PLXNC1: variants seen among roughly 807,000 people sequenced by gnomAD.
PLXNC1 encodes the protein plexin-C1.
Under a neutral mutation model 178.2 loss-of-function variants are expected in PLXNC1, and 75 were observed. The observed-to-expected ratio is 0.42, with a 90% CI of 0.35 to 0.51. PLXNC1 has a LOEUF of 0.51. Among genes scored for constraint, PLXNC1 ranks in the 20% least tolerant of loss-of-function variants. PLXNC1 has a pLI of 0.02. For synonymous variants in PLXNC1, 790 were observed against 779.9 expected, an observed-to-expected ratio of 1.01 and a Z score of -0.22; for missense variants, 1,503 against 1,984.4, an observed-to-expected ratio of 0.76 and a Z score of 4.61.
chr12:94,296,472 C>A (rs749369544), intron 24 of PLXNC1, among the ~76,000 whole-genome samples: 28 of 152,250 alleles, frequency 1.8e-4, no homozygotes, highest in Non-Finnish European at 3.4e-4. Flanking sequence ...AACTTTAAAA[C>A]AAACAAACCA....
chr12:94,264,372 G>A (rs565739804), intron 20 of PLXNC1, among the ~76,000 whole-genome samples: 60 of 152,302 alleles, frequency 3.9e-4, no homozygotes, highest in African/African-American at 1.4e-3. Context: ...ATCGGGATGG[G>A]CCGAGTGTTT....
intron 2 of PLXNC1, 60 bp from the exon 3 acceptor site, chr12:94,181,386 C>CAAAA: frequency 1.7e-5 from 16 of 963,504 alleles, no homozygotes; most frequent in East Asian, 6.3e-5. Context: ...GATTCCGTCT[C>CAAAA]AAAAAAAAAA....
At chr12:94,280,609 C>T (rs995130170) in intron 22 of PLXNC1, among the ~76,000 whole-genome samples, 2 of 152,238 alleles carry the variant, frequency 1.3e-5, no homozygotes, top group South Asian at 2.1e-4. Context: ...CTTGGGTGAC[C>T]GTTGAGTCAC....
At chr12:94,221,882 G>T (rs1467639284) in intron 6 of PLXNC1, among the ~76,000 whole-genome samples, 1 of 152,102 alleles carries the variant, frequency 6.6e-6, no homozygotes, top group South Asian at 2.1e-4. Flanking sequence ...CTTCACAAAG[G>T]CCCCGTGGCT....
At chr12:94,217,380 C>T (rs1963674781) in intron 5 of PLXNC1, among the ~76,000 whole-genome samples, 2 of 152,282 alleles carry the variant, frequency 1.3e-5, no homozygotes, top group African/African-American at 2.4e-5. Flanking sequence ...CTCTACATTT[C>T]GTCTGTAGAC....
chr12:94,214,270 A>AGAG (rs914622646), intron 5 of PLXNC1, among the ~76,000 whole-genome samples: 91 of 151,510 alleles, frequency 6.0e-4, no homozygotes, highest in African/African-American at 2.1e-3. Flanking sequence ...AATTTTTTAT[A>AGAG]GAGATAAGGT....
At position 94,164,265 on chromosome 12, in the gene PLXNC1, A is replaced by G. The variant is rs1022948229; in HGVS notation, c.1063-4888A>G. ...GCATTTTGTCATGTACAAGAAATTG[A>G]TAGGTACCCAGTTGGTATTTCCTCC... On this transcript the variant is annotated intron_variant, in intron 1 of 30. Transcript: ENST00000258526. Among the ~76,000 whole-genome samples the G allele has an allele frequency of 4.7e-4, 71 of 152,346 alleles. 1 individual carries two copies. Among genetic ancestry groups the G allele is most frequent in the African/African-American group, 1.7e-3 (69 of 41,576 alleles).
rs554230527 is a variant in PLXNC1 at position 94,262,856 on chromosome 12, A to G, written c.3450+2016A>G. The G allele has an allele frequency of 9.3e-5, 80 of 859,110 alleles. 1 individual carries two copies. The highest frequency in any genetic ancestry group is 2.7e-4 in the South Asian group (5 of 18,738). The allele number at this position is 859,110 out of a possible 1,614,324, so 53.2% of individuals were successfully genotyped here. A position where few individuals can be genotyped will look rare whatever the true frequency, so the allele number is the denominator to read the frequency against. The stretch of plus-strand genomic sequence containing the variant: ...AGACAGCATGCTAAGAGCTTTACCT[A>G]TCTTTTCTCATTTCATCCCCTTAAG... On this transcript the variant is annotated intron_variant, in intron 20 of 30. Coordinates refer to ENST00000258526, the MANE Select transcript of PLXNC1 (RefSeq NM_005761.3).
At chr12:94,275,716 G>T (rs973761941) in intron 21 of PLXNC1, among the ~76,000 whole-genome samples, 1 of 129,602 alleles carries the variant, frequency 7.7e-6, no homozygotes, top group Non-Finnish European at 1.6e-5. Context: ...TTAGCCGGGC[G>T]TAGTGGCGGG....
chr12:94,294,809 T>C (rs1045155909), intron 24 of PLXNC1, among the ~76,000 whole-genome samples: 1 of 152,086 alleles, frequency 6.6e-6, no homozygotes, highest in Non-Finnish European at 1.5e-5. Flanking sequence ...CAGGGCAGAA[T>C]CTCATAGCTT....
At chr12:94,210,362 C>G (rs1319383114) in intron 5 of PLXNC1, among the ~76,000 whole-genome samples, 2 of 152,164 alleles carry the variant, frequency 1.3e-5, no homozygotes, top group Non-Finnish European at 2.9e-5. Context: ...CAACCGTGCC[C>G]TACGGAAAAA....
At position 94,247,778 on chromosome 12, in the gene PLXNC1, C is replaced by T. The variant is rs80305864; in HGVS notation, c.2389-125C>T. On this transcript the variant is annotated intron_variant, in intron 12 of 30. Coordinates refer to ENST00000258526, the MANE Select transcript of PLXNC1 (RefSeq NM_005761.3). ...CCTGTGAGGGAGGTAGTTTTGCTGTCTCCATATTACACATGAGAAAACAGA... is the reference window on the plus strand; with the variant it reads ...CCTGTGAGGGAGGTAGTTTTGCTGTTTCCATATTACACATGAGAAAACAGA... 7.9e-3 allele frequency: 6,283 copies of T among 798,110 alleles called. 142 individuals are homozygous for T. Among genetic ancestry groups the T allele is most frequent in the East Asian group, 0.056 (2,278 of 40,970 alleles). The allele number at this position is 798,110 out of a possible 1,614,324, so 49.4% of individuals were successfully genotyped here. A position where few individuals can be genotyped will look rare whatever the true frequency, so the allele number is the denominator to read the frequency against.
intron 21 of PLXNC1, among the ~76,000 whole-genome samples, chr12:94,275,813 C>G: frequency 7.2e-6 from 1 of 138,046 alleles, no homozygotes; most frequent in African/African-American, 2.8e-5. Flanking sequence ...CGAGATCCCG[C>G]CACTGCACTC....
rs144698524 is a variant in PLXNC1 at position 94,156,968 on chromosome 12, C to T, written c.1062+6935C>T. On this transcript the variant is annotated intron_variant, in intron 1 of 30. Transcript: ENST00000258526. The stretch of plus-strand genomic sequence containing the variant: ...GAGCTAAAGCAGTCCTTCCGAAGTG[C>T]TAAGATTATAGGCATAAGCCAGCAC... Among the ~76,000 whole-genome samples, 317 of 152,246 alleles carry T rather than the reference C, an allele frequency of 2.1e-3. 3 individuals carry two copies. The highest frequency in any genetic ancestry group is 0.018 in the Admixed American group (282 of 15,282).
chr12:94,235,754 T>C (rs1964223699), intron 9 of PLXNC1, among the ~76,000 whole-genome samples: 1 of 152,234 alleles, frequency 6.6e-6, no homozygotes, highest in Admixed American at 6.5e-5. Context: ...TGCTGAAATT[T>C]GAATTTCATG....
chr12:94,246,924 C>T lies in PLXNC1; in HGVS notation c.2389-979C>T, dbSNP rs193071513. Among the ~76,000 whole-genome samples, 31 of 152,156 alleles carry T rather than the reference C, an allele frequency of 2.0e-4. No homozygotes were observed. In the East Asian group the frequency reaches 5.4e-3, roughly 27 times the overall value. On this transcript the variant is annotated intron_variant, in intron 12 of 30. Transcript: ENST00000258526. ...GGGGTGGGGGAAAAATAGTTTTTCC[C>T]ACCTGATAAATTTCTTTTTATGAGT...
In PLXNC1 at chr12:94,307,529, C is replaced by A. The variant is rs1167058916; in HGVS notation, c.*2244C>A. On this transcript the variant is annotated 3_prime_UTR_variant, in exon 31 of 31. Coordinates refer to ENST00000258526, the MANE Select transcript of PLXNC1 (RefSeq NM_005761.3). ...AAACTTTTTTTTCTAACACTAGTGT[C>A]TACAGCAGCATTCAAAAAAATTCTG... 1 of 152,118 alleles carries A rather than the reference C, an allele frequency of 6.6e-6. No individual in the cohort carries two copies. Among genetic ancestry groups the A allele is most frequent in the Non-Finnish European group, 1.5e-5 (1 of 68,008 alleles). 9.4% of individuals were successfully genotyped at this position (152,118 alleles called of 1,614,324 possible). A position where few individuals can be genotyped will look rare whatever the true frequency, so the allele number is the denominator to read the frequency against.
intron 5 of PLXNC1, among the ~76,000 whole-genome samples, chr12:94,218,039 CTTG>C (rs1171898907): frequency 6.6e-6 from 1 of 152,158 alleles, no homozygotes; most frequent in Non-Finnish European, 1.5e-5. Flanking sequence ...TTCTGATACT[CTTG>C]TTATAACGTT....
At chr12:94,191,813 G>A (rs1179725896) in intron 4 of PLXNC1, among the ~76,000 whole-genome samples, 1 of 150,998 alleles carries the variant, frequency 6.6e-6, no homozygotes, top group Non-Finnish European at 1.5e-5. Flanking sequence ...TAGATAAAAA[G>A]CAATTAGATA....
Sources: allele counts gnomAD v4.1 joint callset (sites outside exome capture counted in the v4.1 genomes callset), GRCh38; gene constraint gnomAD v4.1.1; transcripts MANE v1.5; gene names NCBI Gene and HGNC (gene_info 2026-07-23, HGNC 2026-07-21).